Variants in AMZ1 observed in about 807,000 individuals in gnomAD.
The protein encoded by AMZ1 is archaemetzincin-1.
A neutral mutation model predicts 29.9 loss-of-function variants in AMZ1; 39 were observed. The ratio of observed to expected loss-of-function variants is 1.30; its 90% CI spans 1.01 to 1.70. The LOEUF (loss-of-function observed/expected upper bound fraction) is 1.70, where lower values mean the gene tolerates loss of function less well. Ranked by LOEUF, AMZ1 falls within the 40% of genes most tolerant of loss-of-function variation. The pLI, the probability that AMZ1 is intolerant of heterozygous loss-of-function variation, is 0.00. For synonymous variants in AMZ1, 458 were observed against 304.0 expected (o/e 1.51, Z -5.27); for missense variants, 1,041 against 680.6 (o/e 1.53, Z -5.89).
chr7:2,754,738 G>C (rs966941977), intron 4 of AMZ1, among the ~76,000 whole-genome samples: 1 of 152,198 alleles, frequency 6.6e-6, no homozygotes, highest in African/African-American at 2.4e-5. Flanking sequence ...AACAGAGTGA[G>C]ACCCTGCCTC....
rs1261527811 is a variant in AMZ1, at chr7:2,709,693, C to G, written c.825C>G (p.Leu275=). ...HLLGLGNCRW[L]RCLMQGALSL... ...TGGGCCTGGGGAACTGCCGCTGGCT[C>G]CGCTGCCTCATGCAGGGTGCGCTCA... The change falls in exon 6 of 7, where the codon CTC becomes CTG. Residue 275 remains leucine, a synonymous_variant. Transcript: ENST00000683327. The G allele has an allele frequency of 1.2e-6, 2 of 1,610,956 alleles. No homozygotes were observed. The highest frequency in any genetic ancestry group is 2.2e-5 in the South Asian group (2 of 90,990).
intron 4 of AMZ1, among the ~76,000 whole-genome samples, chr7:2,739,590 A>T (rs1352466854): frequency 6.6e-6 from 1 of 152,230 alleles, no homozygotes; most frequent in Non-Finnish European, 1.5e-5. Context: ...ACAGTGCTAC[A>T]AACAGCTGTG....
chr7:2,745,277 A>G (rs545831530), intron 4 of AMZ1, among the ~76,000 whole-genome samples: 58 of 152,342 alleles, frequency 3.8e-4, no homozygotes, highest in African/African-American at 6.3e-4. Context: ...GAGAAAGGTC[A>G]GGTTACCCAC....
Position 2,694,301 on chromosome 7 carries a change from C to G in AMZ1, c.-218-5933C>G, listed in dbSNP as rs143383086. On this transcript the variant is annotated intron_variant, in intron 1 of 6. Transcript: ENST00000683327. ...TGGGACATGTCATCCTCTCTTGCCC[C>G]GGGACTGGATGTCCACCATCGGCTG... Among the ~76,000 whole-genome samples, 182 of 152,290 alleles carry G rather than the reference C, an allele frequency of 1.2e-3. 1 individual carries two copies. The highest frequency in any genetic ancestry group is 4.3e-3 in the African/African-American group (177 of 41,562).
chr7:2,754,656 A>G (rs930911574), intron 4 of AMZ1, among the ~76,000 whole-genome samples: 6 of 152,068 alleles, frequency 3.9e-5, no homozygotes, highest in African/African-American at 1.4e-4. Flanking sequence ...GGCTGGGACA[A>G]GAGGACTGCT....
chr7:2,758,271 T>C (rs1237514445), intron 4 of AMZ1, among the ~76,000 whole-genome samples: 1 of 152,196 alleles, frequency 6.6e-6, no homozygotes, highest in Non-Finnish European at 1.5e-5. Context: ...CACACTGTAA[T>C]CCTAGCACTT....
At chr7:2,723,447 G>A (rs373989040), downstream of AMZ1, among the ~76,000 whole-genome samples, 4 of 152,236 alleles carry the variant, frequency 2.6e-5, no homozygotes, top group Admixed American at 6.5e-5. Flanking sequence ...AAGTGTCCTC[G>A]GCCTAGTTTG....
downstream of AMZ1, among the ~76,000 whole-genome samples, chr7:2,720,203 G>A (rs1040940013): frequency 6.6e-6 from 1 of 151,952 alleles, no homozygotes; most frequent in Non-Finnish European, 1.5e-5. Context: ...ACATGGACCG[G>A]TTCATCTACC....
chr7:2,734,614 C>T (rs1790066155), intron 4 of AMZ1, among the ~76,000 whole-genome samples: 1 of 152,260 alleles, frequency 6.6e-6, no homozygotes, highest in Non-Finnish European at 1.5e-5. Context: ...ATCTCTTCCT[C>T]CTCTGTCCCA....
intron 1 of AMZ1, among the ~76,000 whole-genome samples, chr7:2,689,612 C>T (rs908267142): frequency 1.3e-5 from 2 of 152,222 alleles, no homozygotes; most frequent in African/African-American, 4.8e-5. Context: ...CCAGCTGTGT[C>T]GCCAGGGCCA....
At chr7:2,740,446 A>C (rs879853893) in intron 4 of AMZ1, among the ~76,000 whole-genome samples, 13 of 152,280 alleles carry the variant, frequency 8.5e-5, no homozygotes, top group South Asian at 8.3e-4. Flanking sequence ...GCAAGCGAGG[A>C]AGACAGCCCT....
intron 1 of AMZ1, among the ~76,000 whole-genome samples, chr7:2,693,818 G>A (rs1282043999): frequency 6.6e-6 from 1 of 152,244 alleles, no homozygotes; most frequent in Non-Finnish European, 1.5e-5. Context: ...GCCTCCCAAA[G>A]TGCTGAGAAT....
rs1168417908 is a variant in AMZ1 at position 2,712,744 on chromosome 7, C to T, written c.1363C>T (p.Pro455Ser). The T allele has an allele frequency of 1.9e-6, 3 of 1,605,296 alleles. No homozygotes were observed. The highest frequency in any genetic ancestry group is 2.6e-6 in the Non-Finnish European group (3 of 1,175,158). Residue 455 changes from proline to serine, a missense_variant, in exon 7 of 7, where the codon CCC becomes TCC. Coordinates refer to ENST00000683327, the MANE Select transcript of AMZ1 (RefSeq NM_001384743.1). ...GCTCCCGGCCACCAGGCAGGACCCA[C>T]CCAGCAGCAGGGACAGCGTGGGGCT... ...GQLPATRQDP[P>S]SSRDSVGLRK...
intron 4 of AMZ1, chr7:2,728,064 AT>A (rs1472993254): frequency 2.0e-5 from 3 of 152,196 alleles, no homozygotes; most frequent in African/African-American, 7.2e-5. Flanking sequence ...ATCCTGGGGA[AT>A]GAAAAATCAA....
intron 4 of AMZ1, among the ~76,000 whole-genome samples, chr7:2,732,797 A>C (rs798528): frequency 0.25 from 37,439 of 152,114 alleles, 5,343 homozygotes; most frequent in Non-Finnish European, 0.3. Flanking sequence ...ACTCCAATAA[A>C]CAAGTTGAAA....
chr7:2,699,394 G>A (rs895524306), intron 1 of AMZ1, among the ~76,000 whole-genome samples: 24 of 152,146 alleles, frequency 1.6e-4, no homozygotes, highest in Admixed American at 1.4e-3. Context: ...GTTGAAATCC[G>A]CTGTTGCTTC....
At chr7:2,711,712 C>A (rs1334892742) in intron 6 of AMZ1, among the ~76,000 whole-genome samples, 5 of 152,150 alleles carry the variant, frequency 3.3e-5, no homozygotes, top group Admixed American at 2.6e-4. Flanking sequence ...AGCCACCATG[C>A]CCACACCTTT....
At chr7:2,700,917 C>A (rs918406363) in intron 2 of AMZ1, among the ~76,000 whole-genome samples, 162 bp downstream of exon 2, 4 of 152,158 alleles carry the variant, frequency 2.6e-5, no homozygotes, top group Middle Eastern at 3.2e-3. Context: ...CCTGGCTGGG[C>A]CAAGGCTTCC....
At chr7:2,724,307 C>T (rs1020804305), downstream of AMZ1, among the ~76,000 whole-genome samples, 2 of 152,226 alleles carry the variant, frequency 1.3e-5, no homozygotes, top group African/African-American at 4.8e-5. Flanking sequence ...TGCGACCTGT[C>T]GAGAAGATGT....
Sources: gnomAD v4.1 joint callset for allele counts (sites outside exome capture counted in the v4.1 genomes callset) on GRCh38, gnomAD v4.1.1 for gene constraint, MANE v1.5 for transcripts, NCBI Gene and HGNC (gene_info 2026-07-23, HGNC 2026-07-21) for gene names.